The following FNDC3A variants were observed in gnomAD, a reference collection of about 807,000 sequenced individuals.
The protein encoded by FNDC3A is fibronectin type-III domain-containing protein 3A.
In FNDC3A, 32 loss-of-function variants were observed where a neutral mutation model predicts 148.9. The observed-to-expected ratio is 0.21, with a 90% CI of 0.16 to 0.29. The LOEUF (loss-of-function observed/expected upper bound fraction) is 0.29, where lower values mean the gene tolerates loss of function less well. FNDC3A is among the 10% of genes least tolerant of loss of function. FNDC3A has a pLI of 1.00. For synonymous variants in FNDC3A, 472 were observed against 473.6 expected (o/e 1.00, Z 0.04); for missense variants, 1,191 against 1,452.8 (o/e 0.82, Z 2.93).
chr13:49,033,333 A>G (rs1158477483), intron 2 of FNDC3A, among the ~76,000 whole-genome samples: 1 of 152,190 alleles, frequency 6.6e-6, no homozygotes, highest in South Asian at 2.1e-4. Context: ...CCTACCGTAC[A>G]TTGGATAATT....
chr13:49,019,372 C>A (rs1468206555), intron 2 of FNDC3A, among the ~76,000 whole-genome samples: 2 of 152,218 alleles, frequency 1.3e-5, no homozygotes, highest in South Asian at 4.1e-4. Context: ...TTTCCAGGTG[C>A]CGTCTGTCAC....
At chr13:49,133,937 T>G (rs1229577308) in intron 5 of FNDC3A, among the ~76,000 whole-genome samples, 1 of 152,210 alleles carries the variant, frequency 6.6e-6, no homozygotes, top group Middle Eastern at 3.2e-3. Flanking sequence ...TTTTAAAGTA[T>G]GTACTAATTG....
At chr13:49,117,655 T>C (rs1881055288) in intron 4 of FNDC3A, among the ~76,000 whole-genome samples, 1 of 152,222 alleles carries the variant, frequency 6.6e-6, no homozygotes, top group Non-Finnish European at 1.5e-5. Context: ...CTTGTCACAT[T>C]TCTTAATACA....
At chr13:49,183,397 A>G (rs995293017) in intron 14 of FNDC3A, among the ~76,000 whole-genome samples, 6 of 152,198 alleles carry the variant, frequency 3.9e-5, no homozygotes, top group Non-Finnish European at 5.9e-5. Flanking sequence ...TCAAGGTACA[A>G]TCTGCTCACA....
At chr13:49,123,807 C>T (rs1306513266) in intron 4 of FNDC3A, among the ~76,000 whole-genome samples, 2 of 152,156 alleles carry the variant, frequency 1.3e-5, no homozygotes, top group East Asian at 1.9e-4. Flanking sequence ...TACCATCTCA[C>T]GCCAGTTAGA....
In FNDC3A at chr13:49,207,153, T is replaced by C. The variant is rs2138150632; in HGVS notation, c.3355T>C (p.Cys1119Arg). ...GAACTGTGAATATCGCTTCCGTGTA[T>C]GTGCCATTCGCCAGTGCCAAGACTC... Reference protein sequence around the residue: ...QLNCEYRFRVCAIRQCQDSLG... With the variant: ...QLNCEYRFRVRAIRQCQDSLG... The change falls in exon 26 of 26, where the codon TGT becomes CGT. Residue 1119 changes from cysteine to arginine, a missense_variant. By Grantham distance (180) the Cys-to-Arg change is radical. Around this residue, in one of 3 missense-constraint regions of FNDC3A, gnomAD observed 751 missense variants for 944.0 expected, o/e 0.80. Transcript: ENST00000492622. 6.2e-7 allele frequency: 1 copy of C among 1,614,228 alleles called. No individual in the cohort carries two copies. Among genetic ancestry groups the C allele is most frequent in the Non-Finnish European group, 8.5e-7 (1 of 1,180,024 alleles).
At position 49,209,002 on chromosome 13, in the gene FNDC3A, G is replaced by A. The variant is rs1290427322; in HGVS notation, c.*1607G>A. The stretch of plus-strand genomic sequence containing the variant: ...TTAACCCTTGTTCAAAAAAGAAATG[G>A]ATAAACTTGGCCTTTCTAAGTGGTA... On this transcript the variant is annotated 3_prime_UTR_variant, in exon 26 of 26. Transcript: ENST00000492622. 6.6e-6 allele frequency: 1 copy of A among 152,610 alleles called. No homozygotes were observed. The highest frequency in any genetic ancestry group is 1.5e-5 in the Non-Finnish European group (1 of 68,016). 9.5% of individuals were successfully genotyped at this position (152,610 alleles called of 1,614,324 possible). A position where few individuals can be genotyped will look rare whatever the true frequency, so the allele number is the denominator to read the frequency against.
chr13:49,108,418 C>G (rs896107205), intron 3 of FNDC3A, among the ~76,000 whole-genome samples: 2 of 152,102 alleles, frequency 1.3e-5, no homozygotes, highest in Admixed American at 1.3e-4. Flanking sequence ...TATCTGCAGA[C>G]TACCAACACT....
intron 23 of FNDC3A, chr13:49,201,213 T>C (rs567992267): frequency 2.3e-4 from 66 of 287,908 alleles, no homozygotes; most frequent in African/African-American, 1.4e-3. Flanking sequence ...TTCAACTTCA[T>C]TGAACAGTTC....
chr13:49,172,032 GT>G lies in FNDC3A; in HGVS notation c.1177-9del, dbSNP rs749877218. 2 of 1,595,296 alleles carry G rather than the reference GT, an allele frequency of 1.3e-6. No homozygotes were observed. The highest frequency in any genetic ancestry group is 1.7e-5 in the Admixed American group (1 of 58,064). Reference sequence around the variant, plus strand: ...ATTTGTTTTCATTTTGTTTTTTGGTGTTGGTTTTAGGCACCTAGTGACAATG... The same window carrying G: ...ATTTGTTTTCATTTTGTTTTTTGGTGTGGTTTTAGGCACCTAGTGACAATG... On this transcript the variant is annotated splice_polypyrimidine_tract_variant and intron_variant, in intron 10 of 25. Coordinates refer to ENST00000492622, the MANE Select transcript of FNDC3A (RefSeq NM_001079673.2).
intron 8 of FNDC3A, among the ~76,000 whole-genome samples, chr13:49,149,447 AGAT>A (rs1489603552): frequency 6.6e-6 from 1 of 152,176 alleles, no homozygotes; most frequent in African/African-American, 2.4e-5. Flanking sequence ...ACATCTATTG[AGAT>A]GATCATATAA....
chr13:49,155,154 CTT>C (rs1387271199), intron 8 of FNDC3A, among the ~76,000 whole-genome samples: 2 of 150,794 alleles, frequency 1.3e-5, no homozygotes, highest in Non-Finnish European at 3.0e-5. Flanking sequence ...GTCCTGGACT[CTT>C]TTTGGTTGGT....
chr13:49,035,304 C>T (rs563984577), intron 2 of FNDC3A, among the ~76,000 whole-genome samples: 2 of 152,034 alleles, frequency 1.3e-5, no homozygotes, highest in South Asian at 4.2e-4. Flanking sequence ...AACACAAATC[C>T]TTAGTTGCAT....
At chr13:48,992,035 T>G (rs1410782450) in intron 1 of FNDC3A, among the ~76,000 whole-genome samples, 1 of 152,254 alleles carries the variant, frequency 6.6e-6, no homozygotes, top group Non-Finnish European at 1.5e-5. Flanking sequence ...TGATGTATGG[T>G]TTCTACTAAA....
chr13:49,019,012 A>G (rs1873071385), intron 2 of FNDC3A, among the ~76,000 whole-genome samples: 2 of 152,226 alleles, frequency 1.3e-5, no homozygotes, highest in Admixed American at 1.3e-4. Flanking sequence ...CAAAGCTGTC[A>G]GACAGGGACA....
At chr13:49,160,143 A>G (rs1272261752) in intron 8 of FNDC3A, among the ~76,000 whole-genome samples, 1 of 152,188 alleles carries the variant, frequency 6.6e-6, no homozygotes, top group Non-Finnish European at 1.5e-5. Context: ...AAAATGAGTT[A>G]GGGAGGATTC....
intron 8 of FNDC3A, among the ~76,000 whole-genome samples, chr13:49,150,486 AT>A (rs933626174): frequency 4.0e-5 from 6 of 150,194 alleles, no homozygotes; most frequent in South Asian, 4.2e-4. Context: ...TGTTCCAAGA[AT>A]TTTTTTTTTA....
At chr13:49,073,994 CTG>C (rs1416843422) in intron 2 of FNDC3A, among the ~76,000 whole-genome samples, 1 of 151,728 alleles carries the variant, frequency 6.6e-6, no homozygotes, top group Non-Finnish European at 1.5e-5. Context: ...GATTTTAAAA[CTG>C]TAATTTTCAG....
intron 2 of FNDC3A, among the ~76,000 whole-genome samples, chr13:49,027,920 A>G (rs1873838809): frequency 6.6e-6 from 1 of 152,192 alleles, no homozygotes; most frequent in Admixed American, 6.5e-5. Context: ...TTATTGACCA[A>G]ATGGATAAAA....
Sources: gnomAD v4.1 joint callset for allele counts (sites outside exome capture counted in the v4.1 genomes callset) on GRCh38, gnomAD v4.1.1 for gene constraint, gnomAD v4.1.1 regional missense constraint, MANE v1.5 for transcripts, NCBI Gene and HGNC (gene_info 2026-07-23, HGNC 2026-07-21) for gene names.